DOCK1: variants seen among roughly 807,000 people sequenced by gnomAD.
DOCK1 encodes the protein dedicator of cytokinesis 1.
A neutral mutation model predicts 262.7 loss-of-function variants in DOCK1; 138 were observed. That is an observed-to-expected ratio of 0.53 (90% CI 0.46 to 0.61). The LOEUF (loss-of-function observed/expected upper bound fraction) is 0.61. Ranked by LOEUF, DOCK1 falls within the 20% of genes least tolerant of loss-of-function variation. The probability of loss-of-function intolerance (pLI) is 0.00; values close to 1 mark genes in which losing one functional copy is unlikely to be tolerated. For synonymous variants in DOCK1, 866 were observed against 867.4 expected, an observed-to-expected ratio of 1.00 and a Z score of 0.03; for missense variants, 1,908 against 2,370.7, an observed-to-expected ratio of 0.80 and a Z score of 4.05.
At chr10:127,090,983 G>GGT (rs1380593983) in intron 23 of DOCK1, among the ~76,000 whole-genome samples, 4,797 of 137,166 alleles carry the variant, frequency 0.035, 260 homozygotes, top group African/African-American at 0.12. Context: ...CGTCTATTTG[G>GGT]TTTTTTTTTT....
At chr10:127,271,981 A>G (rs540523505) in intron 29 of DOCK1, 3 of 152,220 alleles carry the variant, frequency 2.0e-5, no homozygotes, top group African/African-American at 4.8e-5. Context: ...ACCAAAATGC[A>G]TGAGGGCGAT....
At chr10:127,080,777 T>A (rs942983224) in intron 23 of DOCK1, among the ~76,000 whole-genome samples, 5 of 152,328 alleles carry the variant, frequency 3.3e-5, no homozygotes, top group African/African-American at 1.2e-4. Context: ...GACTTTCCTG[T>A]TCAATAATTT....
intron 38 of DOCK1, among the ~76,000 whole-genome samples, chr10:127,385,364 A>G (rs1408210212): frequency 1.3e-5 from 2 of 152,078 alleles, no homozygotes; most frequent in Non-Finnish European, 2.9e-5. Flanking sequence ...ACCTGCTGTC[A>G]TTTTAATCAG....
intron 27 of DOCK1, among the ~76,000 whole-genome samples, chr10:127,151,132 AT>A (rs1426731532): frequency 6.6e-6 from 1 of 152,200 alleles, no homozygotes; most frequent in African/African-American, 2.4e-5. Context: ...GAAAACTCTT[AT>A]CCAACATAAT....
intron 6 of DOCK1, among the ~76,000 whole-genome samples, chr10:126,992,179 A>G (rs11592657): frequency 0.23 from 35,731 of 152,058 alleles, 4,704 homozygotes; most frequent in South Asian, 0.39. Flanking sequence ...AGCAAAACCC[A>G]TTTCAAGACC....
At chr10:127,055,013 T>C (rs2135760246) in intron 22 of DOCK1, among the ~76,000 whole-genome samples, 1 of 152,352 alleles carries the variant, frequency 6.6e-6, no homozygotes, top group South Asian at 2.1e-4. Context: ...CTTTAATCTC[T>C]TTCAATTTCA....
chr10:127,009,164 G>T (rs2135272552), intron 11 of DOCK1, among the ~76,000 whole-genome samples: 1 of 152,190 alleles, frequency 6.6e-6, no homozygotes, highest in South Asian at 2.1e-4. Flanking sequence ...CATCATAGGA[G>T]GTTGCTGTTT....
chr10:126,911,382 T>C (rs1018145050), intron 1 of DOCK1, among the ~76,000 whole-genome samples: 1 of 152,156 alleles, frequency 6.6e-6, no homozygotes, highest in Non-Finnish European at 1.5e-5. Flanking sequence ...GCGGGTCCAC[T>C]GAGCTGTGAA....
chr10:127,299,138 A>G (rs1266407926), intron 29 of DOCK1, among the ~76,000 whole-genome samples: 1 of 152,068 alleles, frequency 6.6e-6, no homozygotes, highest in Admixed American at 6.6e-5. Flanking sequence ...TTGCTCTGTC[A>G]CTCAGGCTGG....
chr10:127,097,353 G>A (rs2047972932), intron 23 of DOCK1, among the ~76,000 whole-genome samples: 1 of 152,186 alleles, frequency 6.6e-6, no homozygotes, highest in African/African-American at 2.4e-5. Context: ...GGGACACTCA[G>A]CAGCCTGCCT....
At chr10:127,065,705 A>G (rs6482989) in intron 23 of DOCK1, among the ~76,000 whole-genome samples, 112,460 of 151,978 alleles carry the variant, frequency 0.74, 41,690 homozygotes, top group East Asian at 0.86. Context: ...AGCTCCAGGC[A>G]TATCCTCTGC....
At chr10:127,211,924 G>A (rs745368954) in intron 27 of DOCK1, among the ~76,000 whole-genome samples, 2 of 152,196 alleles carry the variant, frequency 1.3e-5, no homozygotes, top group Non-Finnish European at 2.9e-5. Flanking sequence ...TCTGCAGAGT[G>A]CGCCAATATT....
At chr10:127,376,574 A>G (rs1437234263) in intron 35 of DOCK1, among the ~76,000 whole-genome samples, 1 of 152,160 alleles carries the variant, frequency 6.6e-6, no homozygotes, top group African/African-American at 2.4e-5. Context: ...GTTCAAAGTA[A>G]TTTGTTGTCA....
intron 2 of DOCK1, among the ~76,000 whole-genome samples, chr10:126,973,980 T>A (rs914660776): frequency 1.3e-5 from 2 of 152,210 alleles, no homozygotes; most frequent in Non-Finnish European, 2.9e-5. Context: ...AAGACTAAAT[T>A]TACCTTCAAG....
chr10:126,950,318 G>A (rs1175909286), intron 1 of DOCK1, among the ~76,000 whole-genome samples: 1 of 152,032 alleles, frequency 6.6e-6, no homozygotes, highest in Non-Finnish European at 1.5e-5. Flanking sequence ...ATCTTGGGTG[G>A]TAAATATTGG....
Position 127,023,293 on chromosome 10 carries a change from CTG to C in DOCK1, c.1425_1426del (p.Tyr476ArgfsTer2). 1 of 1,613,176 alleles carries C rather than the reference CTG, an allele frequency of 6.2e-7. No homozygotes were observed. Among genetic ancestry groups the C allele is most frequent in the Non-Finnish European group, 8.5e-7 (1 of 1,179,672 alleles). On this transcript the variant is annotated frameshift_variant, in exon 14 of 52. Transcript: ENST00000623213. LOFTEE classifies it high-confidence loss of function. ...GCGAAGAACGTGGAGGTCACGGTGT[CTG>C]TGTACGATGAGGATGGGAAACGATT...
At chr10:126,918,688 C>G (rs1247336798) in intron 1 of DOCK1, among the ~76,000 whole-genome samples, 1 of 152,096 alleles carries the variant, frequency 6.6e-6, no homozygotes, top group Non-Finnish European at 1.5e-5. Flanking sequence ...GGATGTCAAG[C>G]CAGGATGTCT....
intron 33 of DOCK1, among the ~76,000 whole-genome samples, chr10:127,368,970 T>C (rs914776637): frequency 3.3e-5 from 5 of 152,190 alleles, no homozygotes; most frequent in Non-Finnish European, 7.3e-5. Flanking sequence ...ATATTTTCAA[T>C]CATGGAGCTA....
At chr10:126,948,724 T>C (rs1477609124) in intron 1 of DOCK1, among the ~76,000 whole-genome samples, 1 of 152,010 alleles carries the variant, frequency 6.6e-6, no homozygotes, top group African/African-American at 2.4e-5. Flanking sequence ...CGCCCAGCTG[T>C]GCAGCTGCCA....
Sources: gnomAD v4.1 joint callset for allele counts (sites outside exome capture counted in the v4.1 genomes callset) on GRCh38, gnomAD v4.1.1 for gene constraint, MANE v1.5 for transcripts, NCBI Gene and HGNC (gene_info 2026-07-23, HGNC 2026-07-21) for gene names.